HERC1: variants seen among roughly 807,000 people sequenced by gnomAD.
HERC1 encodes probable E3 ubiquitin-protein ligase HERC1.
A neutral mutation model predicts 554.3 loss-of-function variants in HERC1; 160 were observed. The observed-to-expected ratio is 0.29, with a 90% CI of 0.25 to 0.33. The LOEUF is 0.33. Among genes scored for constraint, HERC1 ranks in the 10% least tolerant of loss-of-function variants. The pLI is 1.00. For missense variants in HERC1, 4,919 were observed against 5,918.5 expected, an observed-to-expected ratio of 0.83 and a Z score of 5.54; for synonymous variants, 2,175 against 2,131.7, an observed-to-expected ratio of 1.02 and a Z score of -0.56.
In HERC1 at chr15:63,622,911, ATTT is replaced by A; in HGVS notation, c.13612-23_13612-21del. On this transcript the variant is annotated intron_variant, in intron 73 of 77. Transcript: ENST00000443617. ...AAGTTCCTGCAGAAGAAAGAAAAAA[ATTT>A]TTTGAGAAATGACAATCAAATGCAT... 2 of 1,542,154 alleles carry A rather than the reference ATTT, an allele frequency of 1.3e-6. No individual in the cohort carries two copies. The highest frequency in any genetic ancestry group is 2.0e-5 in the Admixed American group (1 of 49,892).
intron 1 of HERC1, among the ~76,000 whole-genome samples, chr15:63,803,399 C>T (rs1188812918): frequency 6.6e-6 from 1 of 151,914 alleles, no homozygotes; most frequent in Non-Finnish European, 1.5e-5. Flanking sequence ...TTATCAACAT[C>T]GTGGTGTATA....
At position 63,737,542 on chromosome 15, in the gene HERC1, TATATATC is replaced by T. The variant is rs1375205438; in HGVS notation, c.2521-2700_2521-2694del. On this transcript the variant is annotated intron_variant, in intron 12 of 77. Transcript: ENST00000443617. ...ATATATATATATATATATATATATA[TATATATC>T]TTTTTTTTTTTTAGTAGAGAAGGGG... is the stretch of plus-strand genomic sequence containing the variant. 1.4e-3 allele frequency among the ~76,000 whole-genome samples: 174 copies of T among 121,366 alleles called. 3 individuals are homozygous for T. Among genetic ancestry groups the T allele is most frequent in the Non-Finnish European group, 1.7e-3 (98 of 56,414 alleles). The allele number at this position is 121,366 out of a possible 152,430, so 79.6% of individuals were successfully genotyped here. A position where few individuals can be genotyped will look rare whatever the true frequency, so the allele number is the denominator to read the frequency against.
At chr15:63,752,759 A>C (rs564201289) in intron 8 of HERC1, 199 bp downstream of exon 8, 3 of 473,444 alleles carry the variant, frequency 6.3e-6, no homozygotes, top group Non-Finnish European at 7.4e-6. Flanking sequence ...ACTAAGATTT[A>C]TCTGGGTCAC....
chr15:63,753,859 G>C (rs2075330640), intron 7 of HERC1, among the ~76,000 whole-genome samples: 3 of 152,118 alleles, frequency 2.0e-5, no homozygotes, highest in Non-Finnish European at 4.4e-5. Flanking sequence ...GAATGATGTA[G>C]AGTCATGCTT....
rs1196743565 is a variant in HERC1 at position 63,633,938 on chromosome 15, C to T, written c.12603G>A (p.Val4201=). 4.3e-6 allele frequency: 7 copies of T among 1,613,916 alleles called. No individual in the cohort carries two copies. The highest frequency in any genetic ancestry group is 1.7e-5 in the Admixed American group (1 of 60,012). Residue 4201 remains valine, a synonymous_variant, in exon 67 of 78, where the codon GTG becomes GTA. Coordinates refer to ENST00000443617, the MANE Select transcript of HERC1 (RefSeq NM_003922.4). ...VACGLNHTLA[V]SADGSMVWAF... is the part of the protein sequence containing the mutation. Reference sequence around the variant, plus strand: ...CCCACACCATGGAACCATCTGCTGACACTGCCAAAGTGTGGTTTAATCCAC... The same window carrying T: ...CCCACACCATGGAACCATCTGCTGATACTGCCAAAGTGTGGTTTAATCCAC...
At chr15:63,811,606 G>A (rs1398542289) in intron 1 of HERC1, among the ~76,000 whole-genome samples, 1 of 151,764 alleles carries the variant, frequency 6.6e-6, no homozygotes, top group Non-Finnish European at 1.5e-5. Flanking sequence ...TCGGGAGATC[G>A]AGACCATCCT....
chr15:63,774,356 GT>G lies in HERC1; in HGVS notation c.930+337del, dbSNP rs1056556168. ...AAATTGGGAAATATGAAAATAAGAGGTTTTTTTTTCTAAAGACCTGCTGATC... is the reference window on the plus strand; with the variant it reads ...AAATTGGGAAATATGAAAATAAGAGGTTTTTTTTCTAAAGACCTGCTGATC... On this transcript the variant is annotated intron_variant, in intron 2 of 77. Transcript: ENST00000443617. Among the ~76,000 whole-genome samples the G allele has an allele frequency of 3.6e-3, 540 of 151,562 alleles. 2 individuals are homozygous for G. Among genetic ancestry groups the G allele is most frequent in the Middle Eastern group, 0.014 (4 of 292 alleles).
intron 25 of HERC1, among the ~76,000 whole-genome samples, chr15:63,704,899 C>T (rs1457872840): frequency 2.0e-5 from 3 of 151,820 alleles, no homozygotes; most frequent in Non-Finnish European, 2.9e-5. Context: ...CCACCACGCC[C>T]GGCTAATTTT....
intron 1 of HERC1, among the ~76,000 whole-genome samples, chr15:63,812,589 A>G (rs1193477021): frequency 2.0e-5 from 3 of 152,196 alleles, no homozygotes; most frequent in East Asian, 1.9e-4. Context: ...CAGGTTGACA[A>G]AAAATAAGCA....
Position 63,677,887 on chromosome 15 carries a change from G to A in HERC1, c.7028C>T (p.Thr2343Met), listed in dbSNP as rs776068614. Residue 2343 changes from threonine (T) to methionine (M), a missense_variant, in exon 37 of 78, where the codon ACG (threonine) becomes ATG (methionine). Around this residue, in one of 11 missense-constraint regions of HERC1, gnomAD observed 1,963 missense variants for 2,228.6 expected, o/e 0.88. Transcript: ENST00000443617. The surrounding 1 kb of genome is among the most constrained non-coding windows in gnomAD (Gnocchi z 4.4). ...TTCATCCCATTGGACCTTGGCAGAC[G>A]TGCTGCCCTCTTTGACCACTCCCAG... Reference protein sequence around the residue: ...TLLGVVKEGSTSAKVQWDEAE... With the variant: ...TLLGVVKEGSMSAKVQWDEAE... 14 of 1,613,948 alleles carry A rather than the reference G, an allele frequency of 8.7e-6. No homozygotes were observed. Among genetic ancestry groups the A allele is most frequent in the Middle Eastern group, 1.6e-4 (1 of 6,062 alleles).
chr15:63,736,307 G>T (rs886791635), intron 12 of HERC1, among the ~76,000 whole-genome samples: 2 of 152,188 alleles, frequency 1.3e-5, no homozygotes, highest in Non-Finnish European at 2.9e-5. Context: ...TTGAAGGCAG[G>T]AATACCAAAC....
chr15:63,808,141 A>T (rs1417750274), intron 1 of HERC1, among the ~76,000 whole-genome samples: 1 of 151,252 alleles, frequency 6.6e-6, no homozygotes, highest in African/African-American at 2.4e-5. Flanking sequence ...AAAAAAATAC[A>T]TCACTACAAT....
At chr15:63,809,344 A>G (rs1213617247) in intron 1 of HERC1, among the ~76,000 whole-genome samples, 1 of 152,220 alleles carries the variant, frequency 6.6e-6, no homozygotes, top group Non-Finnish European at 1.5e-5. Context: ...AGGTATTCTG[A>G]CTTACCACTA....
intron 1 of HERC1, among the ~76,000 whole-genome samples, chr15:63,799,635 G>T (rs978229766): frequency 1.3e-5 from 2 of 152,128 alleles, no homozygotes; most frequent in Non-Finnish European, 2.9e-5. Flanking sequence ...AGTTATTAAG[G>T]GACTAGGCTT....
chr15:63,711,499 C>T lies in HERC1; in HGVS notation c.4584+1276G>A, dbSNP rs76668598. ...GAAGGAGAAAAGGAGGAAGTATAAA[C>T]AAAATGTCATGATACAATGAAACGT... On this transcript the variant is annotated intron_variant, in intron 24 of 77. Transcript: ENST00000443617. 5.3e-3 allele frequency among the ~76,000 whole-genome samples: 808 copies of T among 152,194 alleles called. 9 individuals carry two copies. The highest frequency in any genetic ancestry group is 6.7e-3 in the Non-Finnish European group (457 of 67,998).
chr15:63,830,386 A>T (rs73444589), intron 1 of HERC1, among the ~76,000 whole-genome samples: 6 of 152,206 alleles, frequency 3.9e-5, no homozygotes, highest in Non-Finnish European at 8.8e-5. Context: ...AAAATGAAAG[A>T]AGTTCTAAAA....
intron 1 of HERC1, among the ~76,000 whole-genome samples, chr15:63,776,405 C>T (rs1309241446): frequency 6.6e-6 from 1 of 152,222 alleles, no homozygotes; most frequent in Non-Finnish European, 1.5e-5. Context: ...CTTTGGGACT[C>T]ATAATTGTAG....
chr15:63,613,055 T>A (rs929950970), intron 76 of HERC1, among the ~76,000 whole-genome samples: 2 of 152,154 alleles, frequency 1.3e-5, no homozygotes, highest in Non-Finnish European at 2.9e-5. Flanking sequence ...GTAAAAAAAA[T>A]CTGAAAAGTA....
Position 63,680,470 on chromosome 15 carries a change from T to A in HERC1, c.6465+67A>T. The A allele has an allele frequency of 6.5e-7, 1 of 1,538,812 alleles. No individual in the cohort carries two copies. The highest frequency in any genetic ancestry group is 1.2e-5 in the South Asian group (1 of 82,540). On this transcript the variant is annotated intron_variant, in intron 35 of 77. Transcript: ENST00000443617. The surrounding 1 kb of genome is among the most constrained non-coding windows in gnomAD (Gnocchi z 5.8). ...AATCTATAAACTGAATACGTGGCAC[T>A]TGAATAACCGAGTTGACTATAAATA... is the stretch of plus-strand genomic sequence containing the variant.
Sources: allele counts gnomAD v4.1 joint callset (sites outside exome capture counted in the v4.1 genomes callset), GRCh38; gene constraint gnomAD v4.1.1; regional missense constraint gnomAD v4.1.1; non-coding constraint Gnocchi (gnomAD v3.1); transcripts MANE v1.5; gene names NCBI Gene and HGNC (gene_info 2026-07-23, HGNC 2026-07-21).